The following KDF1 variants were observed in gnomAD, a reference collection of about 807,000 sequenced individuals.
The protein encoded by KDF1 is keratinocyte differentiation factor 1.
A neutral mutation model predicts 31.6 loss-of-function variants in KDF1; 11 were observed. That is an observed-to-expected ratio of 0.35 (90% CI 0.22 to 0.58). The LOEUF is 0.58. Among genes scored for constraint, KDF1 ranks in the 20% least tolerant of loss-of-function variants. The pLI is 0.83. For synonymous variants in KDF1, 205 were observed against 214.4 expected (o/e 0.96, Z 0.38); for missense variants, 476 against 549.1 (o/e 0.87, Z 1.33).
chr1:26,951,486 G>C lies in KDF1; in HGVS notation c.895C>G (p.Arg299Gly). Residue 299 changes from arginine (R) to glycine (G), a missense_variant, in exon 2 of 4, where the codon CGC becomes GGC. Arg to Gly is a moderately radical substitution (Grantham distance 125, BLOSUM62 -2). Around this residue, in one of 2 missense-constraint regions of KDF1, gnomAD observed 146 missense variants for 216.8 expected, o/e 0.67. Coordinates refer to ENST00000320567, the MANE Select transcript of KDF1 (RefSeq NM_152365.3). The surrounding 1 kb of genome is among the most constrained non-coding windows in gnomAD (Gnocchi z 5.4). Reference protein sequence around the residue: ...DEQDAEGRLVRGIIRISTRKS... With the variant: ...DEQDAEGRLVGGIIRISTRKS... ...CGGGTACTAATGCGAATGATGCCGC[G>C]TACCAGGCGGCCCTCAGCATCCTGC... 1 of 1,613,682 alleles carries C rather than the reference G, an allele frequency of 6.2e-7. No individual in the cohort carries two copies. The highest frequency in any genetic ancestry group is 2.2e-5 in the East Asian group (1 of 44,862).
At position 26,951,816 on chromosome 1, in the gene KDF1, T is replaced by TG; in HGVS notation, c.564dup (p.Lys189GlnfsTer21). 6.2e-7 allele frequency: 1 copy of TG among 1,613,998 alleles called. No homozygotes were observed. The highest frequency in any genetic ancestry group is 8.5e-7 in the Non-Finnish European group (1 of 1,179,998). On this transcript the variant is annotated frameshift_variant, in exon 2 of 4. Coordinates refer to ENST00000320567, the MANE Select transcript of KDF1 (RefSeq NM_152365.3). LOFTEE classifies it high-confidence loss of function. The surrounding 1 kb of genome is among the most constrained non-coding windows in gnomAD (Gnocchi z 5.4). The stretch of plus-strand genomic sequence containing the variant: ...GGTGGGGGATCGGCCAGTGGCTCCT[T>TG]GCAGCAGGAGTCCGCATCAGGGGCT...
rs768805849 is a variant in KDF1 at position 26,951,932 on chromosome 1, C to T, written c.449G>A (p.Arg150Gln). The change falls in exon 2 of 4, where the codon CGG (arginine) becomes CAG (glutamine). Residue 150 changes from arginine to glutamine, a missense_variant. Arg to Gln is a conservative substitution (Grantham distance 43, BLOSUM62 1). This residue lies in a region of KDF1 where 330 missense variants were observed against 332.3 expected (regional missense o/e 0.99). Transcript: ENST00000320567. The surrounding 1 kb of genome is among the most constrained non-coding windows in gnomAD (Gnocchi z 5.4). ...GCTGCTGCCCATGGTTGACTTGAGC[C>T]GCTGGCCATCCCGCCGGCTGGGGGG... ...RAPPSRRDGQ[R>Q]LKSTMGSSFS... 117 of 1,604,184 alleles carry T rather than the reference C, an allele frequency of 7.3e-5. 1 individual carries two copies. The Middle Eastern group carries it at 8.3e-4, about 11-fold the overall frequency.
rs1174474568 is a variant in KDF1 at position 26,949,714 on chromosome 1, AG to A, written c.*354del. The A allele has an allele frequency of 7.9e-6, 2 of 252,674 alleles. No individual in the cohort carries two copies. The highest frequency in any genetic ancestry group is 1.6e-5 in the Non-Finnish European group (2 of 128,646). The allele number at this position is 252,674 out of a possible 1,614,324, so 15.7% of individuals were successfully genotyped here. Reference sequence around the variant, plus strand: ...CTTCTTTTAACTGTTGAATTACCCCAGGGAGGGAGAAGTTTGCATGATTGGT... The same window carrying A: ...CTTCTTTTAACTGTTGAATTACCCCAGGAGGGAGAAGTTTGCATGATTGGT... On this transcript the variant is annotated 3_prime_UTR_variant, in exon 4 of 4. Coordinates refer to ENST00000320567, the MANE Select transcript of KDF1 (RefSeq NM_152365.3).
chr1:26,957,433 C>A (rs1273347889), intron 1 of KDF1, among the ~76,000 whole-genome samples: 1 of 152,094 alleles, frequency 6.6e-6, no homozygotes, highest in Non-Finnish European at 1.5e-5. Flanking sequence ...GGACCATGAC[C>A]CTGAAGTGCA....
intron 1 of KDF1, among the ~76,000 whole-genome samples, chr1:26,958,105 C>G (rs1260076793): frequency 1.3e-5 from 2 of 151,452 alleles, no homozygotes; most frequent in Admixed American, 6.6e-5. Flanking sequence ...CATAAGCCAC[C>G]GCGCCCAGCC....
rs141238626 is a variant in KDF1 at position 26,956,341 on chromosome 1, G to A, written c.-32-3929C>T. On this transcript the variant is annotated intron_variant, in intron 1 of 3. Transcript: ENST00000320567. ...CTCTCACCCAAATACTGTCACAGCC[G>A]CCATTCTGGCCACTTCCATTCCCTC... Among the ~76,000 whole-genome samples, 103 of 152,242 alleles carry A rather than the reference G, an allele frequency of 6.8e-4. 1 individual carries two copies. The highest frequency in any genetic ancestry group is 9.6e-4 in the East Asian group (5 of 5,184).
In KDF1 at chr1:26,951,941, T is replaced by G; in HGVS notation, c.440A>C (p.Asp147Ala). 4 of 1,604,574 alleles carry G rather than the reference T, an allele frequency of 2.5e-6. No homozygotes were observed. Among genetic ancestry groups the G allele is most frequent in the South Asian group, 1.1e-5 (1 of 90,360 alleles). Residue 147 changes from aspartate (D) to alanine (A), a missense_variant, in exon 2 of 4, where the codon GAT becomes GCT. Asp to Ala is a moderately radical substitution (Grantham distance 126). Coordinates refer to ENST00000320567, the MANE Select transcript of KDF1 (RefSeq NM_152365.3). This position sits in a 1 kb window ranked among gnomAD's most constrained non-coding sequence, Gnocchi z 5.4. ...CATGGTTGACTTGAGCCGCTGGCCA[T>G]CCCGCCGGCTGGGGGGTGCACGATC... Reference protein sequence around the residue: ...SPDRAPPSRRDGQRLKSTMGS... With the variant: ...SPDRAPPSRRAGQRLKSTMGS...
At chr1:26,953,743 G>A (rs1318062723) in intron 1 of KDF1, among the ~76,000 whole-genome samples, 3 of 151,996 alleles carry the variant, frequency 2.0e-5, no homozygotes, top group Admixed American at 6.6e-5. Flanking sequence ...TCACTTGAGC[G>A]CAGGAGTTCA....
chr1:26,958,424 C>T (rs374064647), intron 1 of KDF1, among the ~76,000 whole-genome samples: 13 of 152,242 alleles, frequency 8.5e-5, no homozygotes, highest in African/African-American at 3.1e-4. Flanking sequence ...TGAGCCACCG[C>T]GCCCGGCCTA....
rs975661333 is a variant in KDF1 at position 26,951,027 on chromosome 1, A to C, written c.1040-271T>G. Among the ~76,000 whole-genome samples, 5 of 152,184 alleles carry C rather than the reference A, an allele frequency of 3.3e-5. No individual in the cohort carries two copies. On this transcript the variant is annotated intron_variant, in intron 2 of 3. Coordinates refer to ENST00000320567, the MANE Select transcript of KDF1 (RefSeq NM_152365.3). This position sits in a 1 kb window ranked among gnomAD's most constrained non-coding sequence, Gnocchi z 5.4. The stretch of plus-strand genomic sequence containing the variant: ...GACCAGGCCTAGAAGCTACTCTGGC[A>C]GGAGACAGCAGAGGAGAGGAGCCTT...
Position 26,950,636 on chromosome 1 carries a change from G to C in KDF1, c.1114+46C>G. ...GAGAGCAGCAGGTGAGGGGCCCCTA[G>C]GGTAGTCCCCCACCCTCCACACCCC... On this transcript the variant is annotated intron_variant, in intron 3 of 3. Coordinates refer to ENST00000320567, the MANE Select transcript of KDF1 (RefSeq NM_152365.3). The surrounding 1 kb of genome is among the most constrained non-coding windows in gnomAD (Gnocchi z 4.0). The C allele has an allele frequency of 6.4e-7, 1 of 1,564,488 alleles. No homozygotes were observed. The highest frequency in any genetic ancestry group is 8.8e-7 in the Non-Finnish European group (1 of 1,136,092).
At chr1:26,953,487 G>A (rs1289128594) in intron 1 of KDF1, among the ~76,000 whole-genome samples, 1 of 152,178 alleles carries the variant, frequency 6.6e-6, no homozygotes, top group East Asian at 1.9e-4. Context: ...ATTCACAATA[G>A]CCAAAAGGTG....
rs748161190 is a variant in KDF1, at chr1:26,952,145, C to G, written c.236G>C (p.Arg79Pro). ...LESPTCCLLWRPWVWEWCRAA... is the reference protein window; with the variant it reads ...LESPTCCLLWPPWVWEWCRAA... Reference sequence around the variant, plus strand: ...CCGGCACCACTCCCACACCCAGGGTCGCCAGAGCAGGCAGCAGGTGGGGGA... The same window carrying G: ...CCGGCACCACTCCCACACCCAGGGTGGCCAGAGCAGGCAGCAGGTGGGGGA... Residue 79 changes from arginine to proline, a missense_variant, in exon 2 of 4, where the codon CGA becomes CCA. Around this residue, in one of 2 missense-constraint regions of KDF1, gnomAD observed 330 missense variants for 332.3 expected, o/e 0.99. Transcript: ENST00000320567. The surrounding 1 kb of genome is among the most constrained non-coding windows in gnomAD (Gnocchi z 4.1). 3 of 1,613,490 alleles carry G rather than the reference C, an allele frequency of 1.9e-6. No individual in the cohort carries two copies. In the East Asian group the frequency reaches 6.7e-5, roughly 36 times the overall value.
At chr1:26,957,049 C>G (rs891610887) in intron 1 of KDF1, among the ~76,000 whole-genome samples, 2 of 152,220 alleles carry the variant, frequency 1.3e-5, no homozygotes, top group Non-Finnish European at 2.9e-5. Flanking sequence ...GCCTCAGCCA[C>G]TTGAGTAGCT....
Position 26,952,389 on chromosome 1 carries a change from G to A in KDF1, c.-9C>T. 1 of 1,500,008 alleles carries A rather than the reference G, an allele frequency of 6.7e-7. No homozygotes were observed. Among genetic ancestry groups the A allele is most frequent in the Non-Finnish European group, 8.8e-7 (1 of 1,130,526 alleles). The allele number at this position is 1,500,008 out of a possible 1,614,324, so 92.9% of individuals were successfully genotyped here. A position where few individuals can be genotyped will look rare whatever the true frequency, so the allele number is the denominator to read the frequency against. On this transcript the variant is annotated 5_prime_UTR_variant, in exon 2 of 4. The change creates a premature stop within an existing upstream ORF in the 5' untranslated region. Transcript: ENST00000320567. The surrounding 1 kb of genome is among the most constrained non-coding windows in gnomAD (Gnocchi z 4.1). ...TGTCCAGGGCGGGGCATGGCTCATT[G>A]CATGGTTTGTAGCAGCCAGGCACCT...
chr1:26,952,306 T>C lies in KDF1; in HGVS notation c.75A>G (p.Leu25=), dbSNP rs765760178. 2.1e-5 allele frequency: 33 copies of C among 1,538,988 alleles called. No homozygotes were observed. The highest frequency in any genetic ancestry group is 2.7e-5 in the Non-Finnish European group (31 of 1,142,298). ...RLGPWERPTE[L]CLETYDKPPQ... ...GTGGTTTATCATATGTCTCCAGACA[T>C]AGCTCTGTTGGCCGCTCCCACGGTC... Residue 25 remains leucine, a synonymous_variant, in exon 2 of 4, where the codon CTA becomes CTG. Coordinates refer to ENST00000320567, the MANE Select transcript of KDF1 (RefSeq NM_152365.3). This position sits in a 1 kb window ranked among gnomAD's most constrained non-coding sequence, Gnocchi z 4.1.
intron 1 of KDF1, among the ~76,000 whole-genome samples, chr1:26,957,372 C>T (rs1258082396): frequency 1.3e-5 from 2 of 152,186 alleles, no homozygotes; most frequent in Non-Finnish European, 2.9e-5. Flanking sequence ...GCTGGGCTGT[C>T]AGCTGGGTCA....
rs2082341394 is a variant in KDF1 at position 26,950,267 on chromosome 1, G to A, written c.1115-116C>T. 1.1e-6 allele frequency: 1 copy of A among 933,148 alleles called. No homozygotes were observed. The highest frequency in any genetic ancestry group is 1.7e-6 in the Non-Finnish European group (1 of 583,804). The allele number at this position is 933,148 out of a possible 1,614,324, so 57.8% of individuals were successfully genotyped here. A position where few individuals can be genotyped will look rare whatever the true frequency, so the allele number is the denominator to read the frequency against. On this transcript the variant is annotated intron_variant, in intron 3 of 3. Coordinates refer to ENST00000320567, the MANE Select transcript of KDF1 (RefSeq NM_152365.3). This position sits in a 1 kb window ranked among gnomAD's most constrained non-coding sequence, Gnocchi z 4.0. ...CAGAGTGGGACTTGAGCCTGGGTCA[G>A]TCTGATCCTGGCTGGATGACCCACT... is the stretch of plus-strand genomic sequence containing the variant.
chr1:26,955,229 C>G (rs919053751), intron 1 of KDF1, among the ~76,000 whole-genome samples: 4 of 152,130 alleles, frequency 2.6e-5, no homozygotes, highest in African/African-American at 9.7e-5. Flanking sequence ...GTGGTTTCCC[C>G]CAGTTTCTTC....
Sources: gnomAD v4.1 joint callset for allele counts (sites outside exome capture counted in the v4.1 genomes callset) on GRCh38, gnomAD v4.1.1 for gene constraint, gnomAD v4.1.1 regional missense constraint, Gnocchi (gnomAD v3.1) non-coding constraint, MANE v1.5 for transcripts, NCBI Gene and HGNC (gene_info 2026-07-23, HGNC 2026-07-21) for gene names.